RUNX1: variants seen among roughly 807,000 people sequenced by gnomAD.
The protein encoded by RUNX1 is runt-related transcription factor 1.
In RUNX1, 19 loss-of-function variants were observed where a neutral mutation model predicts 42.8. That is an observed-to-expected ratio of 0.44 (90% confidence interval 0.31 to 0.65). The LOEUF is 0.65. RUNX1 is among the 30% of genes least tolerant of loss of function. RUNX1 has a pLI of 0.07. For missense variants in RUNX1, 528 were observed against 672.0 expected (o/e 0.79, Z 2.37); for synonymous variants, 271 against 289.4 (o/e 0.94, Z 0.64).
intron 6 of RUNX1, chr21:34,856,251 C>T: frequency 2.2e-6 from 1 of 450,830 alleles, no homozygotes; most frequent in Non-Finnish European, 4.5e-6. Flanking sequence ...CAGTTTGTCC[C>T]TCCAAATGCC....
intron 2 of RUNX1, among the ~76,000 whole-genome samples, chr21:35,045,518 T>C (rs185412581): frequency 5.3e-4 from 81 of 152,234 alleles, no homozygotes; most frequent in Admixed American, 5.0e-3. Context: ...AAGAAGAGAT[T>C]AGGATACAGA....
Position 34,889,864 on chromosome 21 carries a change from C to G in RUNX1, c.98-2768G>C, listed in dbSNP as rs969431194. ...ATGAGTCCCTCCACGCCCTCCCTGCCGGGCCCTGCACCTCCCGGGGCCTCT... is the reference window on the plus strand; with the variant it reads ...ATGAGTCCCTCCACGCCCTCCCTGCGGGGCCCTGCACCTCCCGGGGCCTCT... On this transcript the variant is annotated intron_variant, in intron 3 of 8. Coordinates refer to ENST00000675419, the MANE Select transcript of RUNX1 (RefSeq NM_001754.5). The G allele has an allele frequency of 1.3e-5, 14 of 1,086,574 alleles. 1 individual carries two copies. Among genetic ancestry groups the G allele is most frequent in the Non-Finnish European group, 1.6e-5 (14 of 890,476 alleles). 67.3% of individuals were successfully genotyped at this position (1,086,574 alleles called of 1,614,324 possible).
chr21:34,932,913 C>G (rs775507864), intron 2 of RUNX1, among the ~76,000 whole-genome samples: 1 of 152,210 alleles, frequency 6.6e-6, no homozygotes, highest in African/African-American at 2.4e-5. Flanking sequence ...GCCAGTCTGT[C>G]CTACATTATA....
intron 5 of RUNX1, among the ~76,000 whole-genome samples, chr21:34,869,655 T>C (rs2057710793): frequency 6.6e-6 from 1 of 152,186 alleles, no homozygotes. Context: ...ACTTGCAGTT[T>C]ATGAAAATGC....
intron 2 of RUNX1, among the ~76,000 whole-genome samples, chr21:34,964,495 A>G (rs1184427793): frequency 1.3e-5 from 2 of 151,970 alleles, no homozygotes; most frequent in South Asian, 2.1e-4. Flanking sequence ...CTCAAAAAAA[A>G]AAAAAAAAGA....
chr21:34,839,520 C>T (rs575315368), intron 6 of RUNX1, among the ~76,000 whole-genome samples: 5 of 152,286 alleles, frequency 3.3e-5, no homozygotes, highest in East Asian at 1.9e-4. Flanking sequence ...CTCAGAGACA[C>T]GAAAGCACTT....
At chr21:35,008,963 C>T (rs2059105185) in intron 2 of RUNX1, among the ~76,000 whole-genome samples, 1 of 152,212 alleles carries the variant, frequency 6.6e-6, no homozygotes, top group Non-Finnish European at 1.5e-5. Context: ...ACGGAGCCCA[C>T]CGACTGTAAT....
At chr21:34,920,968 C>T (rs373135928) in intron 2 of RUNX1, among the ~76,000 whole-genome samples, 54 of 152,262 alleles carry the variant, frequency 3.5e-4, no homozygotes, top group African/African-American at 1.2e-3. Flanking sequence ...AAGCGATTGT[C>T]TTGCCTCAGC....
At chr21:34,931,166 G>C (rs1367519756) in intron 2 of RUNX1, among the ~76,000 whole-genome samples, 1 of 152,010 alleles carries the variant, frequency 6.6e-6, no homozygotes, top group African/African-American at 2.4e-5. Context: ...GACTTGGGTT[G>C]TGCTAATCCT....
At chr21:35,031,333 A>T (rs1230500308) in intron 2 of RUNX1, among the ~76,000 whole-genome samples, 1 of 152,146 alleles carries the variant, frequency 6.6e-6, no homozygotes, top group Admixed American at 6.5e-5. Context: ...GGGCAACAAG[A>T]ACGAAACTCC....
intron 2 of RUNX1, among the ~76,000 whole-genome samples, chr21:35,019,370 T>G (rs1220038539): frequency 2.0e-5 from 3 of 152,196 alleles, no homozygotes. Context: ...CTTAGTCCTG[T>G]GCAGTTTAAG....
chr21:35,000,940 C>A (rs1156315981), intron 2 of RUNX1, among the ~76,000 whole-genome samples: 1 of 152,170 alleles, frequency 6.6e-6, no homozygotes, highest in Non-Finnish European at 1.5e-5. Context: ...AAGGCAACCT[C>A]GAATGTCTCT....
At chr21:34,835,369 GCT>G (rs2057130915) in intron 6 of RUNX1, among the ~76,000 whole-genome samples, 3 of 152,180 alleles carry the variant, frequency 2.0e-5, no homozygotes, top group Non-Finnish European at 4.4e-5. Flanking sequence ...TATCTGGTGA[GCT>G]TCCCCAGGGG....
At chr21:34,955,409 T>G (rs1376302592) in intron 2 of RUNX1, among the ~76,000 whole-genome samples, 2 of 152,126 alleles carry the variant, frequency 1.3e-5, no homozygotes, top group Non-Finnish European at 2.9e-5. Flanking sequence ...TAGAGCACAC[T>G]GTGGTGTAGA....
intron 2 of RUNX1, among the ~76,000 whole-genome samples, chr21:34,900,767 C>T (rs190697086): frequency 2.0e-5 from 3 of 152,226 alleles, no homozygotes; most frequent in Admixed American, 6.5e-5. Context: ...ATCTCCTGTC[C>T]CTTTCTTTTC....
At chr21:34,886,751 C>A in intron 4 of RUNX1, 92 bp downstream of exon 4, 3 of 1,589,316 alleles carry the variant, frequency 1.9e-6, no homozygotes, top group Non-Finnish European at 2.6e-6. Context: ...TTTCCAGAAT[C>A]CGGCCCCGCC....
chr21:34,814,284 G>A (rs993495136), intron 7 of RUNX1, among the ~76,000 whole-genome samples: 12 of 152,154 alleles, frequency 7.9e-5, no homozygotes, highest in African/African-American at 2.7e-4. Flanking sequence ...AGGGATGGAA[G>A]TTACCATTCC....
At chr21:34,912,238 A>G (rs2058278122) in intron 2 of RUNX1, among the ~76,000 whole-genome samples, 1 of 148,788 alleles carries the variant, frequency 6.7e-6, no homozygotes, top group South Asian at 2.2e-4. Flanking sequence ...ATCTCAGAGC[A>G]AGGAGATGAT....
intron 6 of RUNX1, among the ~76,000 whole-genome samples, chr21:34,846,112 C>CCT (rs2057310776): frequency 2.0e-5 from 3 of 151,852 alleles, no homozygotes; most frequent in Admixed American, 2.0e-4. Context: ...GGAATTAACA[C>CCT]CAAGGTCTCT....
Sources: gnomAD v4.1 joint callset for allele counts (sites outside exome capture counted in the v4.1 genomes callset) on GRCh38, gnomAD v4.1.1 for gene constraint, MANE v1.5 for transcripts, NCBI Gene and HGNC (gene_info 2026-07-23, HGNC 2026-07-21) for gene names.